API5: variants seen among roughly 807,000 people sequenced by gnomAD.
The protein encoded by API5 is FIF.
Under a neutral mutation model 71.9 loss-of-function variants are expected in API5, and 6 were observed. The ratio of observed to expected loss-of-function variants is 0.08; its 90% confidence interval spans 0.05 to 0.16. The LOEUF (loss-of-function observed/expected upper bound fraction) is 0.16, where lower values mean the gene tolerates loss of function less well. Ranked by LOEUF, API5 falls within the 10% of genes least tolerant of loss-of-function variation. API5 has a pLI of 1.00. For synonymous variants in API5, 189 were observed against 221.3 expected (o/e 0.85, Z 1.30); for missense variants, 332 against 612.8 (o/e 0.54, Z 4.84).
chr11:43,326,871 G>T (rs1368010576), intron 7 of API5, among the ~76,000 whole-genome samples: 7 of 152,138 alleles, frequency 4.6e-5, no homozygotes, highest in East Asian at 1.9e-4. Context: ...TTTAAATAAG[G>T]TGTTTAATTC....
At chr11:43,342,136 C>A (rs1185908746) in intron 13 of API5, among the ~76,000 whole-genome samples, 1 of 152,122 alleles carries the variant, frequency 6.6e-6, no homozygotes, top group Non-Finnish European at 1.5e-5. Context: ...CACAGCAAGA[C>A]CCTCCAAAAA....
intron 11 of API5, 65 bp downstream of exon 11, chr11:43,330,629 A>G: frequency 7.6e-7 from 1 of 1,311,822 alleles, no homozygotes; most frequent in Non-Finnish European, 1.1e-6. Flanking sequence ...ATTTATTTAA[A>G]AGTTTTGCAT....
chr11:43,315,391 T>C (rs138806112), intron 1 of API5, among the ~76,000 whole-genome samples: 1 of 152,056 alleles, frequency 6.6e-6, no homozygotes. Context: ...TTTTATGTAT[T>C]TATTTATTTA....
At chr11:43,332,477 T>C (rs1485805302) in intron 11 of API5, among the ~76,000 whole-genome samples, 1 of 152,156 alleles carries the variant, frequency 6.6e-6, no homozygotes, top group African/African-American at 2.4e-5. Context: ...TAGAGCAGCT[T>C]ATAGAACTCA....
intron 6 of API5, 124 bp from the exon 7 acceptor site, chr11:43,326,383 A>C (rs1001818542): frequency 4.7e-6 from 3 of 633,896 alleles, no homozygotes; most frequent in African/African-American, 1.8e-5. Context: ...GGTGTGCACT[A>C]TATCGTATTT....
At chr11:43,320,616 A>C (rs890448395) in intron 2 of API5, among the ~76,000 whole-genome samples, 2 of 151,930 alleles carry the variant, frequency 1.3e-5, no homozygotes, top group African/African-American at 4.8e-5. Flanking sequence ...CTATAGTCCT[A>C]GCTACTAGGG....
rs1445245004 is a variant in API5, at chr11:43,343,500, A to G, written c.*990A>G. On this transcript the variant is annotated 3_prime_UTR_variant, in exon 14 of 14. Transcript: ENST00000531273. ...GAATCTGATGTACATACAGGTTTCTACAGGAAGAGATGGTATAATTTACAA... is the reference window on the plus strand; with the variant it reads ...GAATCTGATGTACATACAGGTTTCTGCAGGAAGAGATGGTATAATTTACAA... The G allele has an allele frequency of 1.3e-5, 2 of 152,648 alleles. No individual in the cohort carries two copies. Among genetic ancestry groups the G allele is most frequent in the Admixed American group, 6.5e-5 (1 of 15,274 alleles). The allele number at this position is 152,648 out of a possible 1,614,324, so 9.5% of individuals were successfully genotyped here. A position where few individuals can be genotyped will look rare whatever the true frequency, so the allele number is the denominator to read the frequency against.
At position 43,344,056 on chromosome 11, in the gene API5, C is replaced by G. The variant is rs978191541; in HGVS notation, c.*1546C>G. 6.6e-6 allele frequency: 1 copy of G among 152,590 alleles called. No individual in the cohort carries two copies. Among genetic ancestry groups the G allele is most frequent in the African/African-American group, 2.4e-5 (1 of 41,450 alleles). The allele number at this position is 152,590 out of a possible 1,614,324, so 9.5% of individuals were successfully genotyped here. On this transcript the variant is annotated 3_prime_UTR_variant, in exon 14 of 14. Transcript: ENST00000531273. ...GGCTATGGAGTGGTGGCAATAATCT[C>G]TAAACATTCCAAAAGACCATGAGCT...
At chr11:43,323,933 G>A (rs1359478164) in intron 6 of API5, among the ~76,000 whole-genome samples, 2 of 152,224 alleles carry the variant, frequency 1.3e-5, no homozygotes, top group Non-Finnish European at 2.9e-5. Context: ...GGGATTTTCA[G>A]ATGAGGGATG....
Position 43,343,882 on chromosome 11 carries a change from T to A in API5, c.*1372T>A, listed in dbSNP as rs537964782. On this transcript the variant is annotated 3_prime_UTR_variant, in exon 14 of 14. Transcript: ENST00000531273. ...TCTGATGTATTTTTCTGAGGAATAGTTTGTGATTCCAATGCAGGTGTCTTC... is the reference window on the plus strand; with the variant it reads ...TCTGATGTATTTTTCTGAGGAATAGATTGTGATTCCAATGCAGGTGTCTTC... 1 of 152,762 alleles carries A rather than the reference T, an allele frequency of 6.5e-6. No homozygotes were observed. The highest frequency in any genetic ancestry group is 1.5e-5 in the Non-Finnish European group (1 of 68,042). The allele number at this position is 152,762 out of a possible 1,614,324, so 9.5% of individuals were successfully genotyped here.
chr11:43,320,672 A>G, intron 2 of API5, 149 bp from the exon 3 acceptor site: 1 of 663,722 alleles, frequency 1.5e-6, no homozygotes, highest in South Asian at 1.9e-5. Context: ...TCAAGGCTAC[A>G]TTGAGCCATG....
intron 13 of API5, among the ~76,000 whole-genome samples, chr11:43,338,648 TAAAA>T (rs35510804): frequency 9.4e-4 from 91 of 96,982 alleles, no homozygotes; most frequent in East Asian, 1.0e-3. Context: ...CAATTGGAGG[TAAAA>T]AAAAAAAAAA....
At chr11:43,319,995 A>G (rs1343981123) in intron 2 of API5, among the ~76,000 whole-genome samples, 3 of 147,098 alleles carry the variant, frequency 2.0e-5, no homozygotes, top group Non-Finnish European at 4.5e-5. Context: ...ATCCCTTTTT[A>G]TATTTTATTC....
rs1382214991 is a variant in API5, at chr11:43,344,341, C to G, written c.*1831C>G. The G allele has an allele frequency of 6.6e-6, 1 of 152,520 alleles. No homozygotes were observed. The highest frequency in any genetic ancestry group is 1.5e-5 in the Non-Finnish European group (1 of 68,018). The allele number at this position is 152,520 out of a possible 1,614,324, so 9.4% of individuals were successfully genotyped here. A position where few individuals can be genotyped will look rare whatever the true frequency, so the allele number is the denominator to read the frequency against. On this transcript the variant is annotated 3_prime_UTR_variant, in exon 14 of 14. Coordinates refer to ENST00000531273, the MANE Select transcript of API5 (RefSeq NM_001142930.2). The stretch of plus-strand genomic sequence containing the variant: ...AAGTTTGATACTGAGTTGACTGTTC[C>G]CTTATCCCTCACCCTTCCCCTTCCC...
intron 1 of API5, among the ~76,000 whole-genome samples, chr11:43,317,216 A>G (rs1590349487): frequency 6.6e-6 from 1 of 152,212 alleles, no homozygotes; most frequent in African/African-American, 2.4e-5. Context: ...TTTTATTCAT[A>G]TGTCCAAACA....
At chr11:43,333,824 G>C (rs932655764) in intron 11 of API5, among the ~76,000 whole-genome samples, 2 of 152,160 alleles carry the variant, frequency 1.3e-5, no homozygotes, top group African/African-American at 4.8e-5. Context: ...CATCAGAGAA[G>C]AAAACAGCCA....
At chr11:43,318,929 C>A in intron 2 of API5, 128 bp downstream of exon 2, 2 of 863,176 alleles carry the variant, frequency 2.3e-6, no homozygotes, top group Non-Finnish European at 3.4e-6. Context: ...GGCATGGCAT[C>A]ACACCCAGGC....
intron 11 of API5, 105 bp from the exon 12 acceptor site, chr11:43,335,173 C>T: frequency 1.3e-6 from 1 of 799,058 alleles, no homozygotes. Flanking sequence ...TAAGCTCTGT[C>T]TCCTAAATTG....
chr11:43,321,658 C>G (rs777607214), intron 4 of API5, among the ~76,000 whole-genome samples, 182 bp downstream of exon 4: 1 of 152,132 alleles, frequency 6.6e-6, no homozygotes, highest in Non-Finnish European at 1.5e-5. Flanking sequence ...GCAGAAATAA[C>G]TGCAAAAACA....
Sources: gnomAD v4.1 joint callset for allele counts (sites outside exome capture counted in the v4.1 genomes callset) on GRCh38, gnomAD v4.1.1 for gene constraint, MANE v1.5 for transcripts, NCBI Gene and HGNC (gene_info 2026-07-23, HGNC 2026-07-21) for gene names.